SCAMP1: variants seen among roughly 807,000 people sequenced by gnomAD.
SCAMP1 encodes secretory carrier membrane protein 1.
A neutral mutation model predicts 41.8 loss-of-function variants in SCAMP1; 15 were observed. The ratio of observed to expected loss-of-function variants is 0.36; its 90% CI spans 0.24 to 0.55. SCAMP1 has a LOEUF of 0.55. Ranked by LOEUF, SCAMP1 falls within the 20% of genes least tolerant of loss-of-function variation. The pLI is 0.86. For synonymous variants in SCAMP1, 135 were observed against 136.8 expected (o/e 0.99, Z 0.09); for missense variants, 341 against 412.6 (o/e 0.83, Z 1.50).
At chr5:78,387,447 AT>A (rs569212955) in intron 1 of SCAMP1, among the ~76,000 whole-genome samples, 2 of 144,526 alleles carry the variant, frequency 1.4e-5, no homozygotes, top group Non-Finnish European at 3.0e-5. Context: ...GACCTTCTGA[AT>A]TTTTTTTCTG....
chr5:78,462,047 A>G (rs1321446446), intron 8 of SCAMP1, among the ~76,000 whole-genome samples: 1 of 152,194 alleles, frequency 6.6e-6, no homozygotes, highest in African/African-American at 2.4e-5. Flanking sequence ...CAGTATGGTC[A>G]TTGTAACAAT....
chr5:78,404,622 T>C (rs1401022328), intron 2 of SCAMP1, among the ~76,000 whole-genome samples: 1 of 152,074 alleles, frequency 6.6e-6, no homozygotes, highest in African/African-American at 2.4e-5. Context: ...TGTTTCGAAG[T>C]TGTTTTCTTC....
chr5:78,445,638 A>ATT (rs796617013), intron 6 of SCAMP1, among the ~76,000 whole-genome samples: 8 of 146,756 alleles, frequency 5.5e-5, no homozygotes, highest in African/African-American at 2.0e-4. Context: ...CTGATGATGT[A>ATT]TTTTTTTTTT....
Position 78,477,808 on chromosome 5 carries a change from A to G in SCAMP1, c.*2140A>G, listed in dbSNP as rs1374882411. 5.9e-5 allele frequency: 9 copies of G among 152,244 alleles called. No homozygotes were observed. The highest frequency in any genetic ancestry group is 7.4e-5 in the Non-Finnish European group (5 of 67,958). The allele number at this position is 152,244 out of a possible 1,614,324, so 9.4% of individuals were successfully genotyped here. Reference sequence around the variant, plus strand: ...ATATATGTGCATTGAAATGATGGCAATGCTTATAGTATGATCAAGTATGAA... The same window carrying G: ...ATATATGTGCATTGAAATGATGGCAGTGCTTATAGTATGATCAAGTATGAA... On this transcript the variant is annotated 3_prime_UTR_variant, in exon 9 of 9. Coordinates refer to ENST00000621999, the MANE Select transcript of SCAMP1 (RefSeq NM_004866.6).
At position 78,416,637 on chromosome 5, in the gene SCAMP1, C is replaced by T. The variant is rs749503378; in HGVS notation, c.331C>T (p.Leu111Phe). 13 of 1,585,486 alleles carry T rather than the reference C, an allele frequency of 8.2e-6. No homozygotes were observed. Among genetic ancestry groups the T allele is most frequent in the African/African-American group, 1.4e-5 (1 of 74,032 alleles). The change falls in exon 4 of 9, where the codon CTC (leucine) becomes TTC (phenylalanine). Residue 111 changes from leucine to phenylalanine, a missense_variant. Coordinates refer to ENST00000621999, the MANE Select transcript of SCAMP1 (RefSeq NM_004866.6). ...LDRREREMQNLSQHGRKNNWP... is the reference protein window; with the variant it reads ...LDRREREMQNFSQHGRKNNWP... ...TCGTCGGGAACGAGAAATGCAAAAC[C>T]TCAGTCAACATGGTAGTATCCAAAG...
intron 6 of SCAMP1, among the ~76,000 whole-genome samples, chr5:78,430,521 C>G (rs752703206): frequency 6.6e-6 from 1 of 151,242 alleles, no homozygotes; most frequent in South Asian, 2.1e-4. Context: ...TTTCCCAAAG[C>G]GAAGTCTCAA....
intron 7 of SCAMP1, 96 bp downstream of exon 7, chr5:78,450,130 A>C (rs1753182894): frequency 1.5e-6 from 1 of 679,460 alleles, no homozygotes; most frequent in East Asian, 2.9e-5. Context: ...ACCAGATTAG[A>C]AAAATTAAAT....
At chr5:78,396,502 C>A (rs923842518) in intron 2 of SCAMP1, among the ~76,000 whole-genome samples, 1 of 152,130 alleles carries the variant, frequency 6.6e-6, no homozygotes, top group African/African-American at 2.4e-5. Flanking sequence ...TTGCAATTTC[C>A]AAGACATCCA....
rs753187660 is a variant in SCAMP1 at position 78,475,686 on chromosome 5, A to G, written c.*18A>G. ...AGATTTAAGAATCTTCAAACAATAC[A>G]CTGTTACCTTTTGACTGTACCTTTT... On this transcript the variant is annotated 3_prime_UTR_variant, in exon 9 of 9. Coordinates refer to ENST00000621999, the MANE Select transcript of SCAMP1 (RefSeq NM_004866.6). 2 of 1,486,190 alleles carry G rather than the reference A, an allele frequency of 1.3e-6. No individual in the cohort carries two copies. The highest frequency in any genetic ancestry group is 4.9e-5 in the East Asian group (2 of 40,876). The allele number at this position is 1,486,190 out of a possible 1,614,324, so 92.1% of individuals were successfully genotyped here.
intron 2 of SCAMP1, among the ~76,000 whole-genome samples, chr5:78,389,268 A>G (rs1160896510): frequency 2.0e-5 from 3 of 152,078 alleles, no homozygotes; most frequent in African/African-American, 7.2e-5. Context: ...ATTTTTTTTT[A>G]CGTGGAAACT....
At chr5:78,371,152 CA>C (rs1319629789) in intron 1 of SCAMP1, among the ~76,000 whole-genome samples, 1 of 152,072 alleles carries the variant, frequency 6.6e-6, no homozygotes, top group Non-Finnish European at 1.5e-5. Context: ...TTTTGAAGCA[CA>C]AAAGCTTTTA....
chr5:78,428,361 A>G (rs977128748), intron 6 of SCAMP1, among the ~76,000 whole-genome samples: 2 of 152,146 alleles, frequency 1.3e-5, no homozygotes, highest in Admixed American at 1.3e-4. Flanking sequence ...TCACTTGTCC[A>G]TATATGGAGA....
chr5:78,414,905 G>A (rs552561651), intron 2 of SCAMP1, among the ~76,000 whole-genome samples: 3 of 151,542 alleles, frequency 2.0e-5, no homozygotes, highest in Non-Finnish European at 2.9e-5. Flanking sequence ...AAACCTTGGT[G>A]TAGTTCTTTT....
At chr5:78,400,272 C>T (rs1282897121) in intron 2 of SCAMP1, among the ~76,000 whole-genome samples, 1 of 152,178 alleles carries the variant, frequency 6.6e-6, no homozygotes, top group Non-Finnish European at 1.5e-5. Flanking sequence ...ATTACTGTTA[C>T]TTTATAGTAA....
At chr5:78,432,864 C>G (rs973688871) in intron 6 of SCAMP1, among the ~76,000 whole-genome samples, 6 of 151,824 alleles carry the variant, frequency 4.0e-5, no homozygotes, top group Non-Finnish European at 8.8e-5. Flanking sequence ...ATTTTTATTA[C>G]ATATGTGTTA....
chr5:78,405,495 C>T lies in SCAMP1; in HGVS notation c.136-10025C>T, dbSNP rs61077062. On this transcript the variant is annotated intron_variant, in intron 2 of 8. Coordinates refer to ENST00000621999, the MANE Select transcript of SCAMP1 (RefSeq NM_004866.6). ...GAAGTCTTTGTTCAAATATTGACTT[C>T]CCCAATCACCTTTATAAACTTATTC... Among the ~76,000 whole-genome samples the T allele has an allele frequency of 8.4e-3, 1,277 of 152,088 alleles. 21 individuals carry two copies. The highest frequency in any genetic ancestry group is 0.029 in the African/African-American group (1,193 of 41,466).
intron 7 of SCAMP1, among the ~76,000 whole-genome samples, chr5:78,452,419 A>G (rs1280948823): frequency 2.3e-5 from 3 of 132,388 alleles, no homozygotes; most frequent in Non-Finnish European, 4.7e-5. Flanking sequence ...ATTCCCACCT[A>G]TGAGTGAGAA....
At chr5:78,392,044 GAA>G (rs1751529358) in intron 2 of SCAMP1, among the ~76,000 whole-genome samples, 1 of 1,854 alleles carries the variant, frequency 5.4e-4, no homozygotes, top group East Asian at 2.0e-3. Context: ...GGAGACCGTG[GAA>G]AGAGAGGGAG....
At chr5:78,363,535 A>G (rs1028484045) in intron 1 of SCAMP1, among the ~76,000 whole-genome samples, 4 of 152,226 alleles carry the variant, frequency 2.6e-5, no homozygotes, top group Non-Finnish European at 4.4e-5. Flanking sequence ...TTTTATTTGC[A>G]GTATTTGAAG....
Sources: allele counts gnomAD v4.1 joint callset (sites outside exome capture counted in the v4.1 genomes callset), GRCh38; gene constraint gnomAD v4.1.1; transcripts MANE v1.5; gene names NCBI Gene and HGNC (gene_info 2026-07-23, HGNC 2026-07-21).